Variants in ZNF880 observed in about 807,000 individuals in gnomAD.
ZNF880 encodes zinc finger protein LOC400713.
ZNF880 carries 12 observed loss-of-function variants against 11.8 expected under a neutral mutation model. The ratio of observed to expected loss-of-function variants is 1.02; its 90% CI spans 0.65 to 1.65. The LOEUF is 1.65. ZNF880 is among the 40% of genes most tolerant of loss of function. ZNF880 has a pLI of 0.00. For missense variants in ZNF880, 601 were observed against 673.9 expected (o/e 0.89, Z 1.20); for synonymous variants, 210 against 232.4 (o/e 0.90, Z 0.88).
intron 3 of ZNF880, 128 bp downstream of exon 3, chr19:52,374,555 T>C (rs1389756787): frequency 2.6e-6 from 3 of 1,142,526 alleles, no homozygotes; most frequent in African/African-American, 1.5e-5. Context: ...ACTCATAGCC[T>C]CAAACTCCTG....
At chr19:52,388,450 G>C (rs564382492), downstream of ZNF880, among the ~76,000 whole-genome samples, 17 of 151,006 alleles carry the variant, frequency 1.1e-4, no homozygotes, top group African/African-American at 3.9e-4. Context: ...GCTAATTTTT[G>C]TATTTTTAAT....
At chr19:52,392,362 G>GCTAT in the ZNF880 span, among the ~76,000 whole-genome samples, 1 of 151,976 alleles carries the variant, frequency 6.6e-6, no homozygotes, top group African/African-American at 2.4e-5. Context: ...GTGCAGTGGT[G>GCTAT]CTATCTCAGC....
At chr19:52,374,566 G>T (rs1297821771) in intron 3 of ZNF880, 139 bp downstream of exon 3, 3 of 1,043,932 alleles carry the variant, frequency 2.9e-6, no homozygotes, top group Non-Finnish European at 4.4e-6. Flanking sequence ...CAAACTCCTG[G>T]TCTCAAGTGA....
rs781193396 is a variant in ZNF880 at position 52,384,466 on chromosome 19, T to A, written c.886T>A (p.Tyr296Asn). Residue 296 changes from tyrosine to asparagine, a missense_variant, in exon 4 of 4, where the codon TAC becomes AAC. Transcript: ENST00000422689. The stretch of plus-strand genomic sequence containing the variant: ...CAGAATCCACACTGGAGAGAAACCT[T>A]ACAAATGTAATGAGTGTGGCAAGGT... Reference protein sequence around the residue: ...HHRIHTGEKPYKCNECGKVFN... With the variant: ...HHRIHTGEKPNKCNECGKVFN... 2.1e-5 allele frequency: 34 copies of A among 1,614,062 alleles called. 1 individual carries two copies. The South Asian group carries it at 3.1e-4, about 15-fold the overall frequency.
upstream of ZNF880, among the ~76,000 whole-genome samples, chr19:52,369,109 TC>T (rs1986260514): frequency 6.8e-6 from 1 of 146,688 alleles, no homozygotes. Context: ...ACGCCTGTAA[TC>T]CCAACATTTT....
At chr19:52,393,609 A>G in the ZNF880 span, among the ~76,000 whole-genome samples, 32 of 152,180 alleles carry the variant, frequency 2.1e-4, no homozygotes, top group African/African-American at 7.2e-4. Flanking sequence ...GTCTTTCTAC[A>G]TAACTGCTAA....
chr19:52,395,050 G>A, the ZNF880 span, among the ~76,000 whole-genome samples: 2 of 152,146 alleles, frequency 1.3e-5, no homozygotes, highest in Non-Finnish European at 2.9e-5. Context: ...CAGTAACACA[G>A]GTCATAGGGA....
intron 3 of ZNF880, chr19:52,379,540 C>A: frequency 2.4e-6 from 1 of 414,452 alleles, no homozygotes; most frequent in South Asian, 1.7e-5. Flanking sequence ...GGATTACAGG[C>A]GTGAGCCTCC....
upstream of ZNF880, chr19:52,369,810 A>G (rs1986300929): frequency 4.8e-6 from 4 of 836,774 alleles, no homozygotes; most frequent in Non-Finnish European, 7.8e-6. Context: ...TCCAGTCTCC[A>G]CGGCAGGTCT....
rs767867916 is a variant in ZNF880, at chr19:52,384,293, A to T, written c.713A>T (p.Lys238Met). 8 of 1,613,728 alleles carry T rather than the reference A, an allele frequency of 5.0e-6. No homozygotes were observed. The Admixed American group carries it at 1.3e-4, about 27-fold the overall frequency. Residue 238 changes from lysine to methionine, a missense_variant, in exon 4 of 4, where the codon AAG (lysine) becomes ATG (methionine). Lys to Met is a moderately conservative substitution (Grantham distance 95). Coordinates refer to ENST00000422689, the MANE Select transcript of ZNF880 (RefSeq NM_001145434.2). Reference protein sequence around the residue: ...VQHQRIHTGEKPYKCHECGKL... With the variant: ...VQHQRIHTGEMPYKCHECGKL... ...CATCAAAGAATTCATACTGGAGAGA[A>T]GCCTTACAAGTGTCATGAATGTGGC...
chr19:52,368,025 C>T (rs1986196212), upstream of ZNF880, among the ~76,000 whole-genome samples: 1 of 150,872 alleles, frequency 6.6e-6, no homozygotes, highest in Admixed American at 6.6e-5. Flanking sequence ...ATGGTGAAAC[C>T]TTGTCTCTAC....
intron 3 of ZNF880, among the ~76,000 whole-genome samples, chr19:52,375,334 G>T (rs1390519312): frequency 1.3e-5 from 2 of 151,522 alleles, no homozygotes; most frequent in Non-Finnish European, 2.9e-5. Context: ...TTACAGGCGT[G>T]CACCACCAAG....
intron 3 of ZNF880, chr19:52,374,748 T>C: frequency 1.7e-6 from 1 of 579,118 alleles, no homozygotes; most frequent in East Asian, 2.9e-5. Context: ...TGTCTTGTTT[T>C]GTTGAGACAA....
At chr19:52,369,885 C>G (rs529150910), upstream of ZNF880, 1 of 1,538,712 alleles carries the variant, frequency 6.5e-7, no homozygotes, top group Non-Finnish European at 8.8e-7. Context: ...CCAATCCCAC[C>G]CGGGCCTGGC....
At chr19:52,394,702 CTTTTA>C in the ZNF880 span, 3 of 152,098 alleles carry the variant, frequency 2.0e-5, no homozygotes, top group South Asian at 6.2e-4. Flanking sequence ...AAAATTTATT[CTTTTA>C]TAATTCTGTA....
At chr19:52,372,600 C>T (rs1263185058) in intron 1 of ZNF880, among the ~76,000 whole-genome samples, 1 of 147,654 alleles carries the variant, frequency 6.8e-6, no homozygotes, top group Non-Finnish European at 1.5e-5. Flanking sequence ...GAAATCTATA[C>T]TAATTTAAAG....
At chr19:52,368,413 G>A (rs1000984949), upstream of ZNF880, among the ~76,000 whole-genome samples, 2 of 152,024 alleles carry the variant, frequency 1.3e-5, no homozygotes, top group African/African-American at 4.8e-5. Flanking sequence ...CACTCTTCTG[G>A]AACTTGTTTG....
chr19:52,394,526 T>C, the ZNF880 span, among the ~76,000 whole-genome samples: 2 of 152,130 alleles, frequency 1.3e-5, no homozygotes, highest in Non-Finnish European at 2.9e-5. Context: ...CGAGCCACCA[T>C]GCCTGGCTGA....
At chr19:52,393,443 C>T in the ZNF880 span, among the ~76,000 whole-genome samples, 14 of 149,566 alleles carry the variant, frequency 9.4e-5, no homozygotes, top group South Asian at 4.2e-4. Flanking sequence ...ATTCTTGCTT[C>T]GAGACAATGA....
Sources: gnomAD v4.1 joint callset for allele counts (sites outside exome capture counted in the v4.1 genomes callset) on GRCh38, gnomAD v4.1.1 for gene constraint, MANE v1.5 for transcripts, NCBI Gene and HGNC (gene_info 2026-07-23, HGNC 2026-07-21) for gene names.